Variants in FOXO3 observed in about 807,000 individuals in gnomAD.
FOXO3 encodes forkhead box O3, also known as forkhead box protein O3.
Under a neutral mutation model 41.9 loss-of-function variants are expected in FOXO3, and 4 were observed. The ratio of observed to expected loss-of-function variants is 0.10; its 90% CI spans 0.05 to 0.22. The LOEUF (loss-of-function observed/expected upper bound fraction) is 0.22, where lower values mean the gene tolerates loss of function less well. FOXO3 is among the 10% of genes least tolerant of loss of function. FOXO3 has a pLI of 1.00. For missense variants in FOXO3, 534 were observed against 906.8 expected (o/e 0.59, Z 5.28); for synonymous variants, 318 against 389.3 (o/e 0.82, Z 2.16).
intron 1 of FOXO3, among the ~76,000 whole-genome samples, chr6:108,649,489 T>C (rs1361672474): frequency 6.6e-6 from 1 of 151,096 alleles, no homozygotes; most frequent in Non-Finnish European, 1.5e-5. Flanking sequence ...AAGTAGCTGA[T>C]ATCCCTAGTT....
chr6:108,562,943 G>A (rs114081878), intron 1 of FOXO3, among the ~76,000 whole-genome samples: 183 of 152,278 alleles, frequency 1.2e-3, no homozygotes, highest in African/African-American at 3.9e-3. Flanking sequence ...AGTCCTGTGC[G>A]ATTGGAGATA....
intron 2 of FOXO3, among the ~76,000 whole-genome samples, chr6:108,665,721 A>C (rs997365887): frequency 4.0e-5 from 6 of 150,982 alleles, no homozygotes; most frequent in African/African-American, 1.5e-4. Context: ...TCTCAGGAGA[A>C]TCCCTTGTGC....
At chr6:108,644,244 A>G (rs1778335791) in intron 1 of FOXO3, among the ~76,000 whole-genome samples, 1 of 152,180 alleles carries the variant, frequency 6.6e-6, no homozygotes, top group Non-Finnish European at 1.5e-5. Context: ...TCATCTGTAA[A>G]ATGGGGACCA....
intron 1 of FOXO3, among the ~76,000 whole-genome samples, chr6:108,566,084 A>G (rs971987386): frequency 1.3e-5 from 2 of 152,082 alleles, no homozygotes; most frequent in African/African-American, 2.4e-5. Flanking sequence ...TCCTCTTTCT[A>G]CAGCCCCAGT....
intron 2 of FOXO3, among the ~76,000 whole-genome samples, chr6:108,671,690 C>T (rs142315084): frequency 1.4e-3 from 206 of 152,296 alleles, no homozygotes; most frequent in African/African-American, 4.8e-3. Flanking sequence ...GAAGCAGCCA[C>T]GCCAGTCTTA....
intron 2 of FOXO3, among the ~76,000 whole-genome samples, chr6:108,679,054 G>A (rs1461550429): frequency 6.6e-6 from 1 of 151,482 alleles, no homozygotes; most frequent in African/African-American, 2.4e-5. Flanking sequence ...TGTATTTTTA[G>A]TAGAGACGGG....
chr6:108,647,773 G>A (rs879845396), intron 1 of FOXO3, among the ~76,000 whole-genome samples: 2 of 152,206 alleles, frequency 1.3e-5, no homozygotes, highest in South Asian at 2.1e-4. Context: ...TTACAAAACT[G>A]TGGCAAATGA....
At chr6:108,653,916 G>C (rs981401497) in intron 1 of FOXO3, among the ~76,000 whole-genome samples, 1 of 152,334 alleles carries the variant, frequency 6.6e-6, no homozygotes, top group Non-Finnish European at 1.5e-5. Context: ...TCTTAAAAGA[G>C]AATTTCAGTA....
At chr6:108,582,693 T>C (rs1037579716) in intron 1 of FOXO3, among the ~76,000 whole-genome samples, 5 of 152,140 alleles carry the variant, frequency 3.3e-5, no homozygotes, top group African/African-American at 1.2e-4. Flanking sequence ...TGAGTATTTT[T>C]TCTCTTGTTT....
intron 1 of FOXO3, among the ~76,000 whole-genome samples, chr6:108,653,751 G>A (rs767712288): frequency 6.6e-6 from 1 of 152,178 alleles, no homozygotes; most frequent in Non-Finnish European, 1.5e-5. Flanking sequence ...TCCACACACA[G>A]TAAGTTTTCA....
At chr6:108,586,848 A>G (rs1382733916) in intron 1 of FOXO3, among the ~76,000 whole-genome samples, 1 of 152,028 alleles carries the variant, frequency 6.6e-6, no homozygotes, top group African/African-American at 2.4e-5. Context: ...TCTTGTTCTC[A>G]TGAAGCAGGG....
At chr6:108,672,718 CCTCCCT>C (rs569501274) in intron 2 of FOXO3, among the ~76,000 whole-genome samples, 172 of 152,100 alleles carry the variant, frequency 1.1e-3, no homozygotes, top group Non-Finnish European at 2.1e-3. Context: ...CCTCTCTCTC[CCTCCCT>C]CTCCCTCTCC....
intron 1 of FOXO3, among the ~76,000 whole-genome samples, chr6:108,630,528 G>GT (rs1777939513): frequency 6.6e-6 from 1 of 152,122 alleles, no homozygotes; most frequent in African/African-American, 2.4e-5. Flanking sequence ...TTGAACATTT[G>GT]TATGTAGTGA....
intron 2 of FOXO3, among the ~76,000 whole-genome samples, chr6:108,677,580 T>C (rs186795280): frequency 1.3e-5 from 2 of 152,346 alleles, no homozygotes; most frequent in African/African-American, 2.4e-5. Context: ...AATTAGGTAG[T>C]ACTTTACAGC....
chr6:108,637,936 T>G (rs1778161220), intron 1 of FOXO3, among the ~76,000 whole-genome samples: 1 of 152,192 alleles, frequency 6.6e-6, no homozygotes, highest in African/African-American at 2.4e-5. Flanking sequence ...ATATTCAATG[T>G]TAAATCAGTA....
intron 1 of FOXO3, among the ~76,000 whole-genome samples, chr6:108,570,435 C>T (rs1211887112): frequency 6.6e-6 from 1 of 152,190 alleles, no homozygotes; most frequent in Non-Finnish European, 1.5e-5. Context: ...CTATGATCCT[C>T]CTGCCTCAGC....
intron 1 of FOXO3, among the ~76,000 whole-genome samples, chr6:108,611,033 C>G (rs1158895462): frequency 6.6e-6 from 1 of 152,142 alleles, no homozygotes; most frequent in Non-Finnish European, 1.5e-5. Context: ...TCTCCCTCCC[C>G]CTACCCACCC....
At chr6:108,635,592 A>G (rs1778100366) in intron 1 of FOXO3, among the ~76,000 whole-genome samples, 1 of 152,326 alleles carries the variant, frequency 6.6e-6, no homozygotes, top group African/African-American at 2.4e-5. Flanking sequence ...GTCTTTAGAC[A>G]TGTCAGGAGC....
intron 1 of FOXO3, among the ~76,000 whole-genome samples, chr6:108,586,488 C>T (rs1652898932): frequency 6.6e-6 from 1 of 152,082 alleles, no homozygotes; most frequent in African/African-American, 2.4e-5. Flanking sequence ...TCTATCTGGC[C>T]TTGTGAATAT....
Sources: allele counts gnomAD v4.1 joint callset (sites outside exome capture counted in the v4.1 genomes callset), GRCh38; gene constraint gnomAD v4.1.1; transcripts MANE v1.5; gene names NCBI Gene and HGNC (gene_info 2026-07-23, HGNC 2026-07-21).